CDKL4: variants seen among roughly 807,000 people sequenced by gnomAD.
CDKL4 encodes the protein cyclin dependent kinase like 4.
A neutral mutation model predicts 42.0 loss-of-function variants in CDKL4; 44 were observed. The observed-to-expected ratio is 1.05, with a 90% CI of 0.82 to 1.35. CDKL4 has a LOEUF of 1.35. Among genes scored for constraint, CDKL4 ranks in the 40% most tolerant of loss-of-function variants. The pLI, the probability that CDKL4 is intolerant of heterozygous loss-of-function variation, is 0.00. For missense variants in CDKL4, 393 were observed against 369.9 expected (o/e 1.06, Z -0.51); for synonymous variants, 120 against 121.6 (o/e 0.99, Z 0.09).
chr2:39,207,939 T>G (rs1442181895), intron 4 of CDKL4, among the ~76,000 whole-genome samples: 1 of 151,904 alleles, frequency 6.6e-6, no homozygotes, highest in East Asian at 1.9e-4. Flanking sequence ...CTGTCTCTAC[T>G]AAACATAGAA....
downstream of CDKL4, among the ~76,000 whole-genome samples, chr2:39,174,900 T>G (rs939888617): frequency 6.6e-6 from 1 of 152,196 alleles, no homozygotes; most frequent in Middle Eastern, 3.2e-3. Context: ...CAAATACATG[T>G]TTATACATAT....
chr2:39,246,441 A>G (rs1383978666), upstream of CDKL4, among the ~76,000 whole-genome samples: 1 of 152,212 alleles, frequency 6.6e-6, no homozygotes, highest in Non-Finnish European at 1.5e-5. Context: ...TATCTTCATG[A>G]TACTTGCTCT....
intron 3 of CDKL4, among the ~76,000 whole-genome samples, chr2:39,215,348 T>C (rs1677852349): frequency 6.6e-6 from 1 of 152,252 alleles, no homozygotes. Flanking sequence ...ACTGTTTTAT[T>C]ATTGATTTAC....
intron 1 of CDKL4, among the ~76,000 whole-genome samples, chr2:39,233,945 G>C (rs1211132213): frequency 8.1e-6 from 1 of 123,292 alleles, no homozygotes; most frequent in Non-Finnish European, 1.6e-5. Flanking sequence ...ACAGAGTCTC[G>C]TTCTGTCACC....
chr2:39,204,156 G>A (rs1451669926), intron 5 of CDKL4, among the ~76,000 whole-genome samples: 2 of 151,516 alleles, frequency 1.3e-5, no homozygotes, highest in African/African-American at 2.4e-5. Context: ...AACCACTCTC[G>A]CCCACATTAA....
At chr2:39,213,919 GTTTTGT>G (rs1232947459) in intron 3 of CDKL4, among the ~76,000 whole-genome samples, 2 of 146,712 alleles carry the variant, frequency 1.4e-5, no homozygotes, top group East Asian at 3.9e-4. Flanking sequence ...GTTTTGTTTT[GTTTTGT>G]TTTGTTTTTT....
intron 5 of CDKL4, among the ~76,000 whole-genome samples, chr2:39,192,541 T>TA (rs1233657661): frequency 1.4e-5 from 2 of 144,196 alleles, no homozygotes; most frequent in African/African-American, 2.5e-5. Context: ...AAAAAAAAAT[T>TA]TTTTTTTTTT....
At chr2:39,170,093 G>C in the CDKL4 span, among the ~76,000 whole-genome samples, 4 of 151,810 alleles carry the variant, frequency 2.6e-5, no homozygotes, top group Non-Finnish European at 5.9e-5. Context: ...CAAACTCCTG[G>C]GCTCAAGCAA....
At chr2:39,184,720 G>A (rs1572944149) in intron 7 of CDKL4, 73 bp from the exon 8 acceptor site, 1 of 940,952 alleles carries the variant, frequency 1.1e-6, no homozygotes, top group East Asian at 2.5e-5. Flanking sequence ...ATGTGCGTAT[G>A]TATGTGTGTG....
At chr2:39,171,697 T>A (rs1180407687), downstream of CDKL4, among the ~76,000 whole-genome samples, 1 of 151,982 alleles carries the variant, frequency 6.6e-6, no homozygotes, top group Non-Finnish European at 1.5e-5. Context: ...GCAAACACAC[T>A]AAAAAACAAA....
rs1558546874 is a variant in CDKL4 at position 39,185,308 on chromosome 2, GTATATATACA to G, written c.736-671_736-662del. Among the ~76,000 whole-genome samples, 45 of 24,158 alleles carry G rather than the reference GTATATATACA, an allele frequency of 1.9e-3. 5 individuals are homozygous for G. The East Asian group carries it at 0.057, about 31-fold the overall frequency. 15.8% of individuals were successfully genotyped at this position (24,158 alleles called of 152,430 possible). ...TATATATACATATATATACACATAT[GTATATATACA>G]TATATATACACATATGTATATATAT... On this transcript the variant is annotated intron_variant, in intron 7 of 9. Transcript: ENST00000451199.
At chr2:39,208,196 A>T (rs905050223) in intron 4 of CDKL4, among the ~76,000 whole-genome samples, 2 of 147,762 alleles carry the variant, frequency 1.4e-5, no homozygotes, top group Non-Finnish European at 2.9e-5. Flanking sequence ...ATGCTTAGAC[A>T]TACAGCATTC....
At position 39,233,122 on chromosome 2, in the gene CDKL4, C is replaced by A. The variant is rs536833856; in HGVS notation, c.-56-3534G>T. On this transcript the variant is annotated intron_variant, in intron 1 of 9. Transcript: ENST00000451199. ...AATTCTGGAGGGGTTATCTCTTGAG[C>A]TCCCACTGTAAACCTTGGCAGAACG... Among the ~76,000 whole-genome samples, 7 of 150,370 alleles carry A rather than the reference C, an allele frequency of 4.7e-5. No homozygotes were observed. The East Asian group carries it at 1.2e-3, about 25-fold the overall frequency.
intron 1 of CDKL4, among the ~76,000 whole-genome samples, chr2:39,234,060 T>G (rs1010272913): frequency 2.0e-5 from 3 of 151,716 alleles, no homozygotes; most frequent in African/African-American, 7.3e-5. Context: ...ACTACAGGCG[T>G]GTGCCACCAC....
downstream of CDKL4, among the ~76,000 whole-genome samples, chr2:39,172,716 G>C (rs6544205): frequency 0.072 from 10,918 of 152,080 alleles, 1,336 homozygotes; most frequent in African/African-American, 0.25. Context: ...TGAGTAGCTG[G>C]GATTACAGGC....
upstream of CDKL4, among the ~76,000 whole-genome samples, chr2:39,243,976 C>A (rs1180336673): frequency 1.3e-5 from 2 of 152,230 alleles, no homozygotes; most frequent in African/African-American, 4.8e-5. Flanking sequence ...CCAGCGACTT[C>A]GGAGCCAGCG....
intron 1 of CDKL4, among the ~76,000 whole-genome samples, chr2:39,237,145 C>G (rs758694762): frequency 1.1e-4 from 16 of 152,144 alleles, no homozygotes; most frequent in Non-Finnish European, 2.2e-4. Flanking sequence ...AATGTAGACA[C>G]AAGAATCCTT....
intron 8 of CDKL4, among the ~76,000 whole-genome samples, chr2:39,179,702 C>A (rs753149772): frequency 6.6e-6 from 1 of 152,148 alleles, no homozygotes; most frequent in African/African-American, 2.4e-5. Context: ...TCCTATACCC[C>A]GCCTGCCAAA....
intron 1 of CDKL4, among the ~76,000 whole-genome samples, chr2:39,231,910 C>T (rs1558584932): frequency 6.6e-6 from 1 of 152,126 alleles, no homozygotes; most frequent in Non-Finnish European, 1.5e-5. Flanking sequence ...GAGTGAGACC[C>T]TGTCTCTAAA....
Sources: gnomAD v4.1 joint callset for allele counts (sites outside exome capture counted in the v4.1 genomes callset) on GRCh38, gnomAD v4.1.1 for gene constraint, MANE v1.5 for transcripts, NCBI Gene and HGNC (gene_info 2026-07-23, HGNC 2026-07-21) for gene names.